PYROXD1: variants seen among roughly 807,000 people sequenced by gnomAD.
PYROXD1 encodes pyridine nucleotide-disulphide oxidoreductase domain 1.
In PYROXD1, 42 loss-of-function variants were observed where a neutral mutation model predicts 62.0. That is an observed-to-expected ratio of 0.68 (90% CI 0.53 to 0.88). PYROXD1 has a LOEUF of 0.88. Ranked by LOEUF, PYROXD1 falls within the 40% of genes least tolerant of loss-of-function variation. The pLI is 0.00. For missense variants in PYROXD1, 493 were observed against 604.8 expected (o/e 0.82, Z 1.94); for synonymous variants, 170 against 206.4 (o/e 0.82, Z 1.51).
rs1354693742 is a variant in PYROXD1, at chr12:21,471,066, A to G, written c.*2312A>G. ...TTTAGGTCCTATTTTCAAATACGAA[A>G]TGGTAGCATAAGCTGTAAAACTGTA... On this transcript the variant is annotated 3_prime_UTR_variant, in exon 12 of 12. Transcript: ENST00000240651. The G allele has an allele frequency of 6.2e-7, 1 of 1,601,550 alleles. No homozygotes were observed.
At chr12:21,442,142 G>A (rs541052159) in intron 2 of PYROXD1, among the ~76,000 whole-genome samples, 6 of 152,286 alleles carry the variant, frequency 3.9e-5, no homozygotes, top group African/African-American at 1.2e-4. Context: ...GATCCCTGTT[G>A]GCACTGAGTC....
intron 4 of PYROXD1, among the ~76,000 whole-genome samples, chr12:21,450,919 G>A (rs1344665825): frequency 1.3e-5 from 2 of 152,150 alleles, no homozygotes; most frequent in Non-Finnish European, 2.9e-5. Flanking sequence ...AAGAGATTAA[G>A]TATGTATCTA....
intron 10 of PYROXD1, 68 bp downstream of exon 10, chr12:21,462,930 A>G: frequency 6.7e-7 from 1 of 1,489,428 alleles, no homozygotes; most frequent in South Asian, 1.3e-5. Context: ...GGTTGTTACC[A>G]ACAAATCCAA....
intron 5 of PYROXD1, among the ~76,000 whole-genome samples, chr12:21,452,802 T>C (rs779024664): frequency 6.6e-6 from 1 of 152,120 alleles, no homozygotes; most frequent in Non-Finnish European, 1.5e-5. Flanking sequence ...GTCTGGATCT[T>C]TTTCAGGCCA....
At chr12:21,452,302 C>T (rs1942515568) in intron 5 of PYROXD1, 148 bp downstream of exon 5, 2 of 571,324 alleles carry the variant, frequency 3.5e-6, no homozygotes. Context: ...ATATAATTTT[C>T]ATATGTTTTC....
At chr12:21,459,072 T>G (rs550471043) in intron 7 of PYROXD1, among the ~76,000 whole-genome samples, 14 of 152,310 alleles carry the variant, frequency 9.2e-5, no homozygotes, top group South Asian at 2.1e-4. Context: ...CCTAAAATTT[T>G]TGGCATCTCC....
rs772867745 is a variant in PYROXD1 at position 21,437,763 on chromosome 12, G to T, written c.33G>T (p.Gly11=). ...CAGCGCGCCCTCCCCCGACGGCAGGGAAGTTCGTGGTGGTCGGCGGCGGCA... is the reference window on the plus strand; with the variant it reads ...CAGCGCGCCCTCCCCCGACGGCAGGTAAGTTCGTGGTGGTCGGCGGCGGCA... The part of the protein sequence containing the change: MEAARPPPTA[G]KFVVVGGGIA... Residue 11 remains glycine, a synonymous_variant, in exon 1 of 12, where the codon GGG becomes GGT. Transcript: ENST00000240651. 42 of 1,613,262 alleles carry T rather than the reference G, an allele frequency of 2.6e-5. No homozygotes were observed. Among genetic ancestry groups the T allele is most frequent in the Non-Finnish European group, 3.5e-5 (41 of 1,179,828 alleles).
rs1942931141 is a variant in PYROXD1 at position 21,470,790 on chromosome 12, TTC to T, written c.*2038_*2039del. The T allele has an allele frequency of 2.3e-6, 1 of 425,806 alleles. No homozygotes were observed. Among genetic ancestry groups the T allele is most frequent in the Non-Finnish European group, 3.9e-6 (1 of 256,472 alleles). 26.4% of individuals were successfully genotyped at this position (425,806 alleles called of 1,614,324 possible). ...GTTTATGTTAAAAGGCCAGTCTAAA[TTC>T]TTTCACTTACATCTTTACAGAAAAC... On this transcript the variant is annotated 3_prime_UTR_variant, in exon 12 of 12. Coordinates refer to ENST00000240651, the MANE Select transcript of PYROXD1 (RefSeq NM_024854.5).
chr12:21,459,483 C>A (rs151050260), intron 7 of PYROXD1, among the ~76,000 whole-genome samples: 1 of 152,318 alleles, frequency 6.6e-6, no homozygotes, highest in African/African-American at 2.4e-5. Context: ...TCCCCAAATT[C>A]TGTGAGATAT....
rs751512096 is a variant in PYROXD1 at position 21,449,585 on chromosome 12, A to G, written c.308A>G (p.Asn103Ser). ...EEHCIVTEDG[N>S]QHVYKKLCLC... ...CAGTGCATTGTAACAGAAGATGGCAATCAGCACGTATATAAGAAACTCTGT... is the reference window on the plus strand; with the variant it reads ...CAGTGCATTGTAACAGAAGATGGCAGTCAGCACGTATATAAGAAACTCTGT... The change falls in exon 4 of 12, where the codon AAT (asparagine) becomes AGT (serine). Residue 103 changes from asparagine (N) to serine (S), a missense_variant. Asn to Ser is a conservative substitution (Grantham distance 46). This residue lies in a region of PYROXD1 where 164 missense variants were observed against 158.2 expected (regional missense o/e 1.04). Transcript: ENST00000240651. 5.0e-6 allele frequency: 8 copies of G among 1,612,988 alleles called. No individual in the cohort carries two copies. Among genetic ancestry groups the G allele is most frequent in the Admixed American group, 1.7e-5 (1 of 59,866 alleles).
In PYROXD1 at chr12:21,455,123, T is replaced by A. The variant is rs936339871; in HGVS notation, c.489-9T>A. ...AAATCACTCTTAGTAACTTTAACAT[T>A]GTTTTTAGGTATGAAATTGAAGGCT... On this transcript the variant is annotated splice_polypyrimidine_tract_variant and intron_variant, in intron 5 of 11. Coordinates refer to ENST00000240651, the MANE Select transcript of PYROXD1 (RefSeq NM_024854.5). 4 of 1,377,314 alleles carry A rather than the reference T, an allele frequency of 2.9e-6. No homozygotes were observed. The highest frequency in any genetic ancestry group is 3.8e-6 in the Non-Finnish European group (4 of 1,051,472). The allele number at this position is 1,377,314 out of a possible 1,614,324, so 85.3% of individuals were successfully genotyped here.
intron 10 of PYROXD1, 183 bp from the exon 11 acceptor site, chr12:21,467,298 T>C: frequency 2.1e-6 from 1 of 479,498 alleles, no homozygotes. Flanking sequence ...GGCAGTAATT[T>C]AGATAGAATT....
chr12:21,469,199 A>C lies in PYROXD1; in HGVS notation c.*445A>C, dbSNP rs1942864575. On this transcript the variant is annotated 3_prime_UTR_variant, in exon 12 of 12. Transcript: ENST00000240651. ...ATGTAGCAATATCTCGTTTGCTAAT[A>C]TTTATATTGATGACTTACTCCTTTT... 6.2e-6 allele frequency: 1 copy of C among 160,954 alleles called. No individual in the cohort carries two copies. Among genetic ancestry groups the C allele is most frequent in the Non-Finnish European group, 1.4e-5 (1 of 73,628 alleles). The allele number at this position is 160,954 out of a possible 1,614,324, so 10.0% of individuals were successfully genotyped here.
At chr12:21,455,844 G>A (rs1391015892) in intron 6 of PYROXD1, 151 bp from the exon 7 acceptor site, 4 of 549,454 alleles carry the variant, frequency 7.3e-6, no homozygotes, top group Non-Finnish European at 9.5e-6. Flanking sequence ...AAATATTAAT[G>A]ACTAAAATGA....
rs201039677 is a variant in PYROXD1 at position 21,456,059 on chromosome 12, T to A, written c.714T>A (p.Asp238Glu). 5 of 1,611,392 alleles carry A rather than the reference T, an allele frequency of 3.1e-6. No homozygotes were observed. In the South Asian group the frequency reaches 4.4e-5, roughly 14 times the overall value. ...ADNVGSALGPDWHEGLNLKGT... is the reference protein window; with the variant it reads ...ADNVGSALGPEWHEGLNLKGT... The stretch of plus-strand genomic sequence containing the variant: ...ATGTAGGAAGTGCATTGGGACCAGA[T>A]TGGCATGAAGGCTTGAATCTTAAAG... Residue 238 changes from aspartate to glutamate, a missense_variant, in exon 7 of 12, where the codon GAT (aspartate) becomes GAA (glutamate). Coordinates refer to ENST00000240651, the MANE Select transcript of PYROXD1 (RefSeq NM_024854.5).
chr12:21,461,205 A>G (rs1942692837), intron 8 of PYROXD1, 51 bp downstream of exon 8: 2 of 1,092,876 alleles, frequency 1.8e-6, no homozygotes, highest in Non-Finnish European at 2.5e-6. Context: ...TTAAAAGGAA[A>G]ACAATTTAAT....
At chr12:21,440,285 T>A in intron 1 of PYROXD1, 83 bp from the exon 2 acceptor site, 1 of 717,206 alleles carries the variant, frequency 1.4e-6, no homozygotes, top group Non-Finnish European at 2.4e-6. Context: ...TTATTAAAAT[T>A]GCATTATTCT....
intron 3 of PYROXD1, among the ~76,000 whole-genome samples, chr12:21,448,668 C>T (rs189960932): frequency 6.6e-6 from 1 of 152,294 alleles, no homozygotes; most frequent in African/African-American, 2.4e-5. Flanking sequence ...TACAGTTTAA[C>T]AAGGTTTGTA....
chr12:21,446,569 G>T (rs1471757786), intron 3 of PYROXD1, among the ~76,000 whole-genome samples: 1 of 151,604 alleles, frequency 6.6e-6, no homozygotes, highest in African/African-American at 2.4e-5. Context: ...TGAACAAGTG[G>T]CTAGTAGCCA....
Sources: gnomAD v4.1 joint callset for allele counts (sites outside exome capture counted in the v4.1 genomes callset) on GRCh38, gnomAD v4.1.1 for gene constraint, gnomAD v4.1.1 regional missense constraint, MANE v1.5 for transcripts, NCBI Gene and HGNC (gene_info 2026-07-23, HGNC 2026-07-21) for gene names.